KCNIP4: variants seen among roughly 807,000 people sequenced by gnomAD.
KCNIP4 encodes the protein potassium voltage-gated channel interacting protein 4.
KCNIP4 carries 12 observed loss-of-function variants against 34.0 expected under a neutral mutation model. The observed-to-expected ratio is 0.35, with a 90% confidence interval of 0.23 to 0.57. The LOEUF (loss-of-function observed/expected upper bound fraction) is 0.57, where lower values mean the gene tolerates loss of function less well. Among genes scored for constraint, KCNIP4 ranks in the 20% least tolerant of loss-of-function variants. The pLI is 0.83. For missense variants in KCNIP4, 238 were observed against 311.7 expected (o/e 0.76, Z 1.78); for synonymous variants, 124 against 102.2 (o/e 1.21, Z -1.29).
At chr4:21,200,497 A>G (rs141560133) in intron 1 of KCNIP4, among the ~76,000 whole-genome samples, 135 of 151,908 alleles carry the variant, frequency 8.9e-4, no homozygotes, top group African/African-American at 3.1e-3. Flanking sequence ...AACAACTTGG[A>G]TGGAACTGGA....
chr4:21,833,659 C>G (rs1193468441), intron 1 of KCNIP4, among the ~76,000 whole-genome samples: 2 of 151,884 alleles, frequency 1.3e-5, no homozygotes, highest in Admixed American at 1.3e-4. Flanking sequence ...GACACGAAGT[C>G]CTTGCCCATG....
intron 1 of KCNIP4, among the ~76,000 whole-genome samples, chr4:21,451,957 A>C (rs1728539755): frequency 6.6e-6 from 1 of 152,056 alleles, no homozygotes; most frequent in African/African-American, 2.4e-5. Flanking sequence ...AAAGAAAAGA[A>C]TGTTATTCCT....
intron 1 of KCNIP4, among the ~76,000 whole-genome samples, chr4:21,829,821 C>T (rs1206174180): frequency 6.6e-6 from 1 of 151,452 alleles, no homozygotes; most frequent in Non-Finnish European, 1.5e-5. Flanking sequence ...TAGTTTTTAT[C>T]TATCAATAAG....
At chr4:21,274,367 T>A (rs1043762799) in intron 1 of KCNIP4, among the ~76,000 whole-genome samples, 4 of 152,210 alleles carry the variant, frequency 2.6e-5, no homozygotes, top group Admixed American at 6.5e-5. Context: ...AAGAAAGAGC[T>A]TTAGAAATCC....
At position 21,771,274 on chromosome 4, in the gene KCNIP4, A is replaced by C. The variant is rs111724424; in HGVS notation, c.61+177297T>G. On this transcript the variant is annotated intron_variant, in intron 1 of 8. Transcript: ENST00000382152. ...GTAGATGTGTGGTGTTATTTCTGAG[A>C]TCTCTGTTCTGCTTCATTGTTCTAC... is the stretch of plus-strand genomic sequence containing the variant. 9.0e-3 allele frequency among the ~76,000 whole-genome samples: 1,369 copies of C among 151,966 alleles called. 24 individuals are homozygous for C. Among genetic ancestry groups the C allele is most frequent in the African/African-American group, 0.031 (1,304 of 41,470 alleles).
chr4:21,248,377 T>C (rs532057162), intron 1 of KCNIP4, among the ~76,000 whole-genome samples: 9 of 152,054 alleles, frequency 5.9e-5, no homozygotes, highest in Non-Finnish European at 1.3e-4. Context: ...TATATAAAGA[T>C]CGTCTTTAAA....
intron 1 of KCNIP4, among the ~76,000 whole-genome samples, chr4:21,363,007 T>G (rs1283018485): frequency 1.3e-5 from 2 of 152,152 alleles, no homozygotes; most frequent in Non-Finnish European, 2.9e-5. Context: ...GATAAAGTAC[T>G]AAGTACTTTA....
In KCNIP4 at chr4:20,961,850, C is replaced by T. The variant is rs1344689336; in HGVS notation, c.62-79141G>A. On this transcript the variant is annotated intron_variant, in intron 1 of 8. Coordinates refer to ENST00000382152, the MANE Select transcript of KCNIP4 (RefSeq NM_025221.6). Reference sequence around the variant, plus strand: ...TGTATACACAACTTGGGAATATCTGCACATACTTTGATTAGAAGTGAGTTT... The same window carrying T: ...TGTATACACAACTTGGGAATATCTGTACATACTTTGATTAGAAGTGAGTTT... Among the ~76,000 whole-genome samples the T allele has an allele frequency of 5.3e-5, 8 of 152,304 alleles. No homozygotes were observed. The East Asian group carries it at 1.5e-3, about 29-fold the overall frequency.
chr4:21,818,521 G>A (rs556665458), intron 1 of KCNIP4, among the ~76,000 whole-genome samples: 2 of 152,120 alleles, frequency 1.3e-5, no homozygotes, highest in Admixed American at 6.5e-5. Flanking sequence ...AGTGGTGTAT[G>A]GATTTTAAAC....
chr4:21,474,543 G>A (rs1408815087), intron 1 of KCNIP4, among the ~76,000 whole-genome samples: 1 of 152,060 alleles, frequency 6.6e-6, no homozygotes, highest in Admixed American at 6.6e-5. Flanking sequence ...CCCTTCCACA[G>A]TGGCTAAGAC....
intron 1 of KCNIP4, among the ~76,000 whole-genome samples, chr4:21,421,151 A>T (rs1396332681): frequency 6.6e-6 from 1 of 152,160 alleles, no homozygotes; most frequent in Non-Finnish European, 1.5e-5. Context: ...GTTGGTGAGG[A>T]TGTAGAGAAG....
chr4:21,209,401 T>A (rs1262583312), intron 1 of KCNIP4, among the ~76,000 whole-genome samples: 1 of 152,076 alleles, frequency 6.6e-6, no homozygotes, highest in Non-Finnish European at 1.5e-5. Flanking sequence ...CCCCTACCCC[T>A]CTTTCCCCAA....
intron 1 of KCNIP4, among the ~76,000 whole-genome samples, chr4:21,084,277 A>G (rs1746235782): frequency 6.6e-6 from 1 of 151,998 alleles, no homozygotes. Context: ...GCAATGATGG[A>G]CGTGGACTGC....
intron 1 of KCNIP4, among the ~76,000 whole-genome samples, chr4:21,071,329 A>G (rs1744898003): frequency 6.6e-6 from 1 of 152,174 alleles, no homozygotes; most frequent in Non-Finnish European, 1.5e-5. Flanking sequence ...CCGATTTCTC[A>G]AGCATGTTTT....
intron 1 of KCNIP4, among the ~76,000 whole-genome samples, chr4:21,768,884 G>T (rs13135698): frequency 0.092 from 13,908 of 151,954 alleles, 668 homozygotes; most frequent in Middle Eastern, 0.18. Flanking sequence ...ATAATTATTT[G>T]TTGGATACAT....
intron 1 of KCNIP4, among the ~76,000 whole-genome samples, chr4:21,548,880 T>C (rs971843122): frequency 5.3e-5 from 8 of 152,114 alleles, no homozygotes; most frequent in African/African-American, 1.4e-4. Flanking sequence ...TCAAATTATT[T>C]TTTCCATACA....
chr4:21,268,671 G>A (rs1005738315), intron 1 of KCNIP4, among the ~76,000 whole-genome samples: 1 of 152,192 alleles, frequency 6.6e-6, no homozygotes, highest in African/African-American at 2.4e-5. Context: ...TGTGGCCTTT[G>A]AGCCTGTGAG....
At chr4:20,916,742 CA>C in intron 1 of KCNIP4, among the ~76,000 whole-genome samples, 1 of 151,940 alleles carries the variant, frequency 6.6e-6, no homozygotes, top group East Asian at 1.9e-4. Context: ...CTATCAAAGC[CA>C]TTTGTTTTCA....
At chr4:21,508,349 G>A (rs1460481) in intron 1 of KCNIP4, among the ~76,000 whole-genome samples, 10,854 of 152,104 alleles carry the variant, frequency 0.071, 1,196 homozygotes, top group African/African-American at 0.24. Flanking sequence ...CTGAAAACAC[G>A]TAGACAAACA....
Sources: gnomAD v4.1 joint callset for allele counts (sites outside exome capture counted in the v4.1 genomes callset) on GRCh38, gnomAD v4.1.1 for gene constraint, MANE v1.5 for transcripts, NCBI Gene and HGNC (gene_info 2026-07-23, HGNC 2026-07-21) for gene names.